The following WDR25 variants were observed in gnomAD, a reference collection of about 807,000 sequenced individuals.
The protein encoded by WDR25 is WD repeat-containing protein 25.
WDR25 carries 35 observed loss-of-function variants against 47.7 expected under a neutral mutation model. The ratio of observed to expected loss-of-function variants is 0.73; its 90% CI spans 0.56 to 0.97. The LOEUF (loss-of-function observed/expected upper bound fraction) is 0.97. WDR25 is among the 50% of genes least tolerant of loss of function. The pLI is 0.00. For synonymous variants in WDR25, 248 were observed against 278.9 expected, an observed-to-expected ratio of 0.89 and a Z score of 1.10; for missense variants, 634 against 704.7, an observed-to-expected ratio of 0.90 and a Z score of 1.14.
At chr14:100,433,669 C>G (rs769131473) in intron 2 of WDR25, among the ~76,000 whole-genome samples, 47 of 152,140 alleles carry the variant, frequency 3.1e-4, no homozygotes, top group South Asian at 4.1e-4. Flanking sequence ...TCATTCCCCC[C>G]CCATTAGTCT....
intron 2 of WDR25, chr14:100,454,765 C>T (rs1595105022): frequency 6.8e-6 from 2 of 295,072 alleles, no homozygotes; most frequent in East Asian, 1.6e-4. Flanking sequence ...GGGGTAACCA[C>T]AGCAGCTGGA....
At chr14:100,415,399 C>A (rs1398641870) in intron 2 of WDR25, among the ~76,000 whole-genome samples, 1 of 152,154 alleles carries the variant, frequency 6.6e-6, no homozygotes, top group Non-Finnish European at 1.5e-5. Flanking sequence ...TGCACAGTAC[C>A]TGCACAATTC....
chr14:100,417,945 CTTT>C (rs1259298049), intron 2 of WDR25, among the ~76,000 whole-genome samples: 3 of 143,570 alleles, frequency 2.1e-5, no homozygotes, highest in African/African-American at 2.6e-5. Context: ...TTGCTTATGT[CTTT>C]TTTTTTTTTT....
intron 2 of WDR25, among the ~76,000 whole-genome samples, chr14:100,436,753 C>G (rs1006810970): frequency 1.3e-5 from 2 of 152,166 alleles, no homozygotes; most frequent in African/African-American, 4.8e-5. Flanking sequence ...TTGGGTTTCA[C>G]CTAGGAACAT....
chr14:100,428,207 C>T lies in WDR25; in HGVS notation c.823-39814C>T, dbSNP rs149260340. 9.1e-4 allele frequency among the ~76,000 whole-genome samples: 138 copies of T among 152,306 alleles called. No homozygotes were observed. The highest frequency in any genetic ancestry group is 3.2e-3 in the African/African-American group (133 of 41,562). ...ACTGACCCGTCTAGAATTCTGTGTG[C>T]GGAGTGGAGGTGAGATGCTGAGGCT... On this transcript the variant is annotated intron_variant, in intron 2 of 6. Coordinates refer to ENST00000402312, the MANE Select transcript of WDR25 (RefSeq NM_001161476.3). The surrounding 1 kb of genome is among the most constrained non-coding windows in gnomAD (Gnocchi z 4.3).
chr14:100,508,141 T>C (rs1186572274), intron 4 of WDR25, among the ~76,000 whole-genome samples: 1 of 152,152 alleles, frequency 6.6e-6, no homozygotes, highest in African/African-American at 2.4e-5. Context: ...ACAAATGTGA[T>C]TCACCACATA....
At chr14:100,483,847 T>C in intron 3 of WDR25, 147 bp from the exon 4 acceptor site, 1 of 968,514 alleles carries the variant, frequency 1.0e-6, no homozygotes, top group Non-Finnish European at 1.5e-6. Context: ...ACCGCTGTCA[T>C]ATTTCCAAAA....
intron 2 of WDR25, among the ~76,000 whole-genome samples, chr14:100,464,734 C>CCATCTCATCTCATCT (rs11275025): frequency 8.7e-5 from 5 of 57,508 alleles, no homozygotes; most frequent in South Asian, 9.7e-4. Context: ...CTCCCCTACT[C>CCATCTCATCTCATCT]CATCTCATCT....
Position 100,474,556 on chromosome 14 carries a change from C to T in WDR25, c.970+6388C>T, listed in dbSNP as rs192632724. On this transcript the variant is annotated intron_variant, in intron 3 of 6. Coordinates refer to ENST00000402312, the MANE Select transcript of WDR25 (RefSeq NM_001161476.3). ...TTATTGACTGACTCTGGAGCCCAAACGTGTTTACGGCATGTCTGCTATTGG... is the reference window on the plus strand; with the variant it reads ...TTATTGACTGACTCTGGAGCCCAAATGTGTTTACGGCATGTCTGCTATTGG... 1.2e-4 allele frequency among the ~76,000 whole-genome samples: 19 copies of T among 152,298 alleles called. No homozygotes were observed. In the East Asian group the frequency reaches 2.7e-3, roughly 22 times the overall value.
In WDR25 at chr14:100,428,121, C is replaced by A. The variant is rs577396618; in HGVS notation, c.823-39900C>A. Among the ~76,000 whole-genome samples, 9 of 152,350 alleles carry A rather than the reference C, an allele frequency of 5.9e-5. No individual in the cohort carries two copies. Among genetic ancestry groups the A allele is most frequent in the Non-Finnish European group, 1.3e-4 (9 of 68,032 alleles). ...ATCACAGTTCCCCCTGGAGCATTCA[C>A]GCAAGGTCACTTTTCCCATCTGAGG... On this transcript the variant is annotated intron_variant, in intron 2 of 6. Coordinates refer to ENST00000402312, the MANE Select transcript of WDR25 (RefSeq NM_001161476.3). This position sits in a 1 kb window ranked among gnomAD's most constrained non-coding sequence, Gnocchi z 4.3.
chr14:100,419,354 G>C (rs763126610), intron 2 of WDR25, among the ~76,000 whole-genome samples: 1 of 151,994 alleles, frequency 6.6e-6, no homozygotes, highest in Non-Finnish European at 1.5e-5. Context: ...TAGCTTTCTC[G>C]GGGAGTGTTC....
At chr14:100,443,613 A>C (rs1405677879) in intron 2 of WDR25, among the ~76,000 whole-genome samples, 1 of 152,166 alleles carries the variant, frequency 6.6e-6, no homozygotes, top group African/African-American at 2.4e-5. Flanking sequence ...TTTTCCCCAA[A>C]GCTTTTCCCC....
intron 2 of WDR25, among the ~76,000 whole-genome samples, chr14:100,400,062 A>G (rs2140169083): frequency 6.6e-6 from 1 of 152,338 alleles, no homozygotes; most frequent in Middle Eastern, 3.4e-3. Context: ...GCCTTAAAAA[A>G]GATACTTAAT....
chr14:100,467,403 T>C (rs1310683056), intron 2 of WDR25, among the ~76,000 whole-genome samples: 3 of 152,110 alleles, frequency 2.0e-5, no homozygotes, highest in African/African-American at 7.2e-5. Flanking sequence ...GATAGGGTTG[T>C]GAATGCTGAG....
chr14:100,426,120 C>G (rs1213739293), intron 2 of WDR25, among the ~76,000 whole-genome samples: 1 of 152,204 alleles, frequency 6.6e-6, no homozygotes, highest in Non-Finnish European at 1.5e-5. Context: ...TTAATTTTTT[C>G]TGGCCCACTA....
chr14:100,469,502 T>G (rs1899757417), intron 3 of WDR25, among the ~76,000 whole-genome samples: 1 of 152,192 alleles, frequency 6.6e-6, no homozygotes, highest in African/African-American at 2.4e-5. Context: ...CAGTGGTGCA[T>G]AGCCAGCAGG....
rs748124412 is a variant in WDR25 at position 100,381,270 on chromosome 14, TCTC to T, written c.347_349del (p.Ser116del). ...CCCCATCAAAGAGCCTTCTTGTTCTTCTCTGTGGACGAGCCATGTTCCAGCCAG... is the reference window on the plus strand; with the variant it reads ...CCCCATCAAAGAGCCTTCTTGTTCTTTGTGGACGAGCCATGTTCCAGCCAG... On this transcript the variant is annotated inframe_deletion, in exon 2 of 7. Coordinates refer to ENST00000402312, the MANE Select transcript of WDR25 (RefSeq NM_001161476.3). 6.2e-7 allele frequency: 1 copy of T among 1,613,956 alleles called. No homozygotes were observed. Among genetic ancestry groups the T allele is most frequent in the Non-Finnish European group, 8.5e-7 (1 of 1,179,972 alleles).
chr14:100,467,842 C>T (rs1369545361), intron 2 of WDR25, among the ~76,000 whole-genome samples, 179 bp from the exon 3 acceptor site: 1 of 152,134 alleles, frequency 6.6e-6, no homozygotes, highest in African/African-American at 2.4e-5. Context: ...TCCCAACTTA[C>T]CAATCCCAAG....
At chr14:100,421,199 A>T (rs1275963858) in intron 2 of WDR25, among the ~76,000 whole-genome samples, 1 of 152,134 alleles carries the variant, frequency 6.6e-6, no homozygotes, top group East Asian at 1.9e-4. Flanking sequence ...TATTAATGGG[A>T]TAGTCTTTCA....
Sources: gnomAD v4.1 joint callset for allele counts (sites outside exome capture counted in the v4.1 genomes callset) on GRCh38, gnomAD v4.1.1 for gene constraint, Gnocchi (gnomAD v3.1) non-coding constraint, MANE v1.5 for transcripts, NCBI Gene and HGNC (gene_info 2026-07-23, HGNC 2026-07-21) for gene names.